GON4L: variants seen among roughly 807,000 people sequenced by gnomAD.
The protein encoded by GON4L is GON-4-like protein.
GON4L carries 87 observed loss-of-function variants against 211.8 expected under a neutral mutation model. The ratio of observed to expected loss-of-function variants is 0.41; its 90% CI spans 0.35 to 0.49. The LOEUF (loss-of-function observed/expected upper bound fraction) is 0.49, where lower values mean the gene tolerates loss of function less well. Ranked by LOEUF, GON4L falls within the 20% of genes least tolerant of loss-of-function variation. GON4L has a pLI of 0.15. For missense variants in GON4L, 2,155 were observed against 2,659.5 expected (o/e 0.81, Z 4.17); for synonymous variants, 875 against 962.6 (o/e 0.91, Z 1.68).
chr1:155,757,231 G>T lies in GON4L; in HGVS notation c.5346C>A (p.Ser1782Arg). ...TGATCTCTTCAAAGTCACCCATCCGGCTAGCTGCTGGGCGCAAGTGGTCAA... is the reference window on the plus strand; with the variant it reads ...TGATCTCTTCAAAGTCACCCATCCGTCTAGCTGCTGGGCGCAAGTGGTCAA... ...IFFDHLRPAASRMGDFEEINW... is the reference protein window; with the variant it reads ...IFFDHLRPAARRMGDFEEINW... Residue 1782 changes from serine (S) to arginine (R), a missense_variant, in exon 26 of 32, where the codon AGC becomes AGA. Physicochemically the swap from Ser to Arg is moderately radical, Grantham distance 110. Around this residue, in one of 6 missense-constraint regions of GON4L, gnomAD observed 455 missense variants for 504.6 expected, o/e 0.90. Transcript: ENST00000368331. The T allele has an allele frequency of 6.2e-7, 1 of 1,613,898 alleles. No homozygotes were observed. The highest frequency in any genetic ancestry group is 1.6e-4 in the Middle Eastern group (1 of 6,062).
chr1:155,792,910 C>G (rs1665741100), intron 12 of GON4L, among the ~76,000 whole-genome samples: 1 of 151,982 alleles, frequency 6.6e-6, no homozygotes, highest in Non-Finnish European at 1.5e-5. Context: ...GCATGCACCA[C>G]GACAACTAAT....
At chr1:155,748,937 A>G (rs1447398103), downstream of GON4L, 1 of 846,834 alleles carries the variant, frequency 1.2e-6, no homozygotes, top group African/African-American at 1.7e-5. Flanking sequence ...GATCCAGCTG[A>G]TGGCCTGATA....
At chr1:155,782,985 C>T (rs1457848578) in intron 14 of GON4L, among the ~76,000 whole-genome samples, 3 of 152,094 alleles carry the variant, frequency 2.0e-5, no homozygotes, top group African/African-American at 7.2e-5. Flanking sequence ...TAAGAAGTTA[C>T]AAAGAGTCAA....
chr1:155,844,236 G>A (rs1003983919), intron 2 of GON4L, among the ~76,000 whole-genome samples: 1 of 152,130 alleles, frequency 6.6e-6, no homozygotes, highest in African/African-American at 2.4e-5. Flanking sequence ...GAAAAATTCA[G>A]GAATCTCTGG....
At chr1:155,791,925 C>A (rs2461470) in intron 12 of GON4L, among the ~76,000 whole-genome samples, 104,627 of 133,660 alleles carry the variant, frequency 0.78, 38,268 homozygotes, top group East Asian at 0.92. Context: ...AACATAACAT[C>A]ACATAACATA....
chr1:155,849,525 CAG>C (rs1671572317), intron 2 of GON4L, among the ~76,000 whole-genome samples: 1 of 127,054 alleles, frequency 7.9e-6, no homozygotes, highest in Non-Finnish European at 1.6e-5. Flanking sequence ...ACCTGGCTGA[CAG>C]AGAAAGACTC....
chr1:155,764,533 G>C (rs1469944733), intron 21 of GON4L: 8 of 310,602 alleles, frequency 2.6e-5, no homozygotes, highest in African/African-American at 6.8e-5. Context: ...TCTGTCTCTC[G>C]GGCTCAAGCA....
At chr1:155,843,819 T>C (rs990893812) in intron 2 of GON4L, among the ~76,000 whole-genome samples, 9 of 152,134 alleles carry the variant, frequency 5.9e-5, no homozygotes, top group African/African-American at 2.2e-4. Flanking sequence ...GGTATCTCTA[T>C]AGACCCAGTT....
At chr1:155,847,829 G>A (rs111432674) in intron 2 of GON4L, among the ~76,000 whole-genome samples, 5,485 of 152,108 alleles carry the variant, frequency 0.036, 144 homozygotes, top group Non-Finnish European at 0.048. Context: ...AGCCAAGATC[G>A]TGCCACTACA....
chr1:155,747,798 T>A, downstream of GON4L: 2 of 1,612,806 alleles, frequency 1.2e-6, no homozygotes, highest in Non-Finnish European at 8.5e-7. Flanking sequence ...CGATGGCTTC[T>A]CTGGGGTAGG....
downstream of GON4L, chr1:155,749,554 TG>T (rs1660394913): frequency 7.1e-7 from 1 of 1,408,450 alleles, no homozygotes; most frequent in Admixed American, 2.0e-5. Flanking sequence ...CCCTGCAGGG[TG>T]GCTCCTCCTT....
intron 14 of GON4L, among the ~76,000 whole-genome samples, chr1:155,778,537 C>T (rs1331273266): frequency 6.6e-6 from 1 of 152,178 alleles, no homozygotes; most frequent in Non-Finnish European, 1.5e-5. Flanking sequence ...AGGCGTAAGC[C>T]ACCATGCCTA....
chr1:155,749,444 G>A (rs1442923663), downstream of GON4L: 1 of 1,572,822 alleles, frequency 6.4e-7, no homozygotes, highest in Non-Finnish European at 8.7e-7. Flanking sequence ...CAGTGTAACG[G>A]TTGCTCCTGC....
chr1:155,810,664 G>A (rs1246876377), intron 10 of GON4L, among the ~76,000 whole-genome samples: 7 of 137,900 alleles, frequency 5.1e-5, no homozygotes, highest in African/African-American at 1.4e-4. Context: ...CCGAGATCAC[G>A]CCATCACACT....
chr1:155,816,175 T>C, intron 7 of GON4L, 37 bp downstream of exon 7: 1 of 1,017,150 alleles, frequency 9.8e-7, no homozygotes. Flanking sequence ...ATGAAGTCTT[T>C]CTGGAAAAGA....
intron 23 of GON4L, among the ~76,000 whole-genome samples, chr1:155,761,461 C>T (rs1392934377): frequency 6.7e-6 from 1 of 150,322 alleles, no homozygotes; most frequent in African/African-American, 2.5e-5. Flanking sequence ...AAAGTGCTGG[C>T]ATTATATGCA....
Position 155,840,896 on chromosome 1 carries a change from G to A in GON4L, c.505+12380C>T, listed in dbSNP as rs148602650. Among the ~76,000 whole-genome samples the A allele has an allele frequency of 3.7e-3, 561 of 152,252 alleles. 1 individual carries two copies. Among genetic ancestry groups the A allele is most frequent in the Non-Finnish European group, 6.2e-3 (419 of 68,014 alleles). On this transcript the variant is annotated intron_variant, in intron 2 of 31. Coordinates refer to ENST00000368331, the MANE Select transcript of GON4L (RefSeq NM_001282860.2). ...AAAAATACACAAAAATTAGCTGGGC[G>A]TGGTAGTACATGCCTGTAATCCCAG...
Position 155,765,476 on chromosome 1 carries a change from T to C in GON4L, c.3997A>G (p.Arg1333Gly). ...EIVKMEPEEA[R>G]EEISGSPERD... ...TCAGGGGATCCACTGATTTCCTCTC[T>C]AGCTTCTTCAGGTTCCATCTTGACA... Residue 1333 changes from arginine to glycine, a missense_variant, in exon 21 of 32, where the codon AGA (arginine) becomes GGA (glycine). Around this residue, in one of 6 missense-constraint regions of GON4L, gnomAD observed 615 missense variants for 625.7 expected, o/e 0.98. Coordinates refer to ENST00000368331, the MANE Select transcript of GON4L (RefSeq NM_001282860.2). The C allele has an allele frequency of 1.2e-6, 2 of 1,614,172 alleles. No homozygotes were observed. The highest frequency in any genetic ancestry group is 2.2e-5 in the East Asian group (1 of 44,884).
chr1:155,812,534 A>G (rs1413096693), intron 10 of GON4L, among the ~76,000 whole-genome samples: 1 of 151,888 alleles, frequency 6.6e-6, no homozygotes, highest in Admixed American at 6.6e-5. Context: ...ACTTTAATAT[A>G]TTATGTAATA....
Sources: gnomAD v4.1 joint callset for allele counts (sites outside exome capture counted in the v4.1 genomes callset) on GRCh38, gnomAD v4.1.1 for gene constraint, gnomAD v4.1.1 regional missense constraint, MANE v1.5 for transcripts, NCBI Gene and HGNC (gene_info 2026-07-23, HGNC 2026-07-21) for gene names.